The following PDS5A variants were observed in gnomAD, a reference collection of about 807,000 sequenced individuals.
PDS5A encodes the protein sister chromatid cohesion protein PDS5 homolog A.
In PDS5A, 42 loss-of-function variants were observed where a neutral mutation model predicts 167.1. The ratio of observed to expected loss-of-function variants is 0.25; its 90% CI spans 0.20 to 0.33. PDS5A has a LOEUF of 0.33. PDS5A is among the 10% of genes least tolerant of loss of function. The probability of loss-of-function intolerance (pLI) is 1.00; values close to 1 mark genes in which losing one functional copy is unlikely to be tolerated. For missense variants in PDS5A, 1,033 were observed against 1,605.9 expected (o/e 0.64, Z 6.10); for synonymous variants, 553 against 554.6 (o/e 1.00, Z 0.04).
At chr4:39,927,872 G>A (rs959531359) in intron 3 of PDS5A, 89 bp downstream of exon 3, 1 of 890,132 alleles carries the variant, frequency 1.1e-6, no homozygotes, top group Non-Finnish European at 1.7e-6. Context: ...TGAAACCTAT[G>A]TTCATAAAGG....
At chr4:39,961,767 C>T (rs1488787722) in intron 2 of PDS5A, among the ~76,000 whole-genome samples, 2 of 152,158 alleles carry the variant, frequency 1.3e-5, no homozygotes, top group African/African-American at 4.8e-5. Context: ...TAAAAGCCAA[C>T]AGAAATAAAA....
intron 2 of PDS5A, among the ~76,000 whole-genome samples, chr4:39,952,843 C>T (rs1162265282): frequency 6.6e-6 from 1 of 151,878 alleles, no homozygotes; most frequent in African/African-American, 2.4e-5. Flanking sequence ...ACTCTCCTGC[C>T]TCAGCCTCCG....
At chr4:39,836,810 C>T (rs1716454315) in intron 32 of PDS5A, among the ~76,000 whole-genome samples, 1 of 128,838 alleles carries the variant, frequency 7.8e-6, no homozygotes, top group South Asian at 2.5e-4. Context: ...GCTTCAGTAA[C>T]TTTTTTTTTT....
At chr4:39,842,386 A>G (rs1274936085) in intron 30 of PDS5A, among the ~76,000 whole-genome samples, 2 of 152,224 alleles carry the variant, frequency 1.3e-5, no homozygotes, top group Non-Finnish European at 2.9e-5. Context: ...AGAAAATCCT[A>G]AAACAAAAAT....
intron 13 of PDS5A, among the ~76,000 whole-genome samples, chr4:39,900,880 G>A (rs1005522571): frequency 5.9e-5 from 9 of 152,162 alleles, no homozygotes; most frequent in African/African-American, 1.9e-4. Context: ...TGGAGCATAA[G>A]GAAGCTGGAG....
At chr4:39,972,248 G>A (rs148973884) in intron 2 of PDS5A, among the ~76,000 whole-genome samples, 3,408 of 152,234 alleles carry the variant, frequency 0.022, 51 homozygotes, top group Non-Finnish European at 0.034. Context: ...TTGGCTGGGC[G>A]CGGTGGCTCA....
At chr4:39,930,247 GTTTTTTTGTT>G (rs1725918139) in intron 2 of PDS5A, among the ~76,000 whole-genome samples, 4 of 61,950 alleles carry the variant, frequency 6.5e-5, no homozygotes, top group East Asian at 6.2e-4. Context: ...AAAAAAAAAA[GTTTTTTTGTT>G]TTTTGTTTTT....
intron 16 of PDS5A, among the ~76,000 whole-genome samples, chr4:39,894,013 A>G (rs1722187484): frequency 6.6e-6 from 1 of 151,836 alleles, no homozygotes; most frequent in Non-Finnish European, 1.5e-5. Flanking sequence ...TAATTATAAT[A>G]GTAGATTCTC....
chr4:39,902,071 A>G (rs1578703341), intron 13 of PDS5A, among the ~76,000 whole-genome samples: 1 of 152,210 alleles, frequency 6.6e-6, no homozygotes, highest in Non-Finnish European at 1.5e-5. Context: ...AGGATAAAGC[A>G]CCAGTAGTTT....
At chr4:39,873,833 C>T (rs531060918) in intron 20 of PDS5A, among the ~76,000 whole-genome samples, 1 of 151,976 alleles carries the variant, frequency 6.6e-6, no homozygotes, top group Non-Finnish European at 1.5e-5. Context: ...CGCTTCAGTC[C>T]AGGAGTTTGA....
intron 26 of PDS5A, among the ~76,000 whole-genome samples, chr4:39,854,789 T>C (rs1483645477): frequency 5.9e-5 from 9 of 152,170 alleles, no homozygotes; most frequent in African/African-American, 1.9e-4. Flanking sequence ...ACATTGAAAG[T>C]ACTCTATAAA....
chr4:39,906,324 C>T (rs1225965840), intron 11 of PDS5A, among the ~76,000 whole-genome samples: 1 of 151,726 alleles, frequency 6.6e-6, no homozygotes, highest in African/African-American at 2.4e-5. Context: ...GCTGAGATTA[C>T]ACCACTGCAC....
intron 32 of PDS5A, among the ~76,000 whole-genome samples, chr4:39,833,624 C>T (rs968864603): frequency 2.0e-5 from 3 of 152,008 alleles, no homozygotes; most frequent in Non-Finnish European, 2.9e-5. Context: ...TCCTAGGCTC[C>T]AGTCATCTGC....
chr4:39,846,311 C>T (rs577360981), intron 28 of PDS5A: 2 of 152,454 alleles, frequency 1.3e-5, no homozygotes, highest in African/African-American at 4.8e-5. Context: ...ACCCGCCTGG[C>T]CAACATGGTG....
rs755856097 is a variant in PDS5A at position 39,908,553 on chromosome 4, A to G, written c.1088-13T>C. On this transcript the variant is annotated splice_polypyrimidine_tract_variant and intron_variant, in intron 10 of 32. Transcript: ENST00000303538. ...ACCTTTAAATATTCTGTAATAAGAGAAAAAAAACTTAGGCTAAATGTTAGC... is the reference window on the plus strand; with the variant it reads ...ACCTTTAAATATTCTGTAATAAGAGGAAAAAAACTTAGGCTAAATGTTAGC... The G allele has an allele frequency of 5.0e-5, 27 of 540,162 alleles. No individual in the cohort carries two copies. The highest frequency in any genetic ancestry group is 2.2e-4 in the African/African-American group (11 of 49,700). The allele number at this position is 540,162 out of a possible 1,614,324, so 33.5% of individuals were successfully genotyped here.
At chr4:39,870,454 G>A (rs1354407884) in intron 21 of PDS5A, among the ~76,000 whole-genome samples, 1 of 152,132 alleles carries the variant, frequency 6.6e-6, no homozygotes, top group East Asian at 1.9e-4. Flanking sequence ...AGGCATGGTG[G>A]CGTGTGCTGA....
At chr4:39,951,133 C>A (rs1394447166) in intron 2 of PDS5A, among the ~76,000 whole-genome samples, 2 of 152,038 alleles carry the variant, frequency 1.3e-5, no homozygotes, top group Non-Finnish European at 2.9e-5. Context: ...GATCATGTGA[C>A]CCTCATGCCT....
At chr4:39,851,968 G>T (rs1260316017) in intron 26 of PDS5A, among the ~76,000 whole-genome samples, 3 of 152,124 alleles carry the variant, frequency 2.0e-5, no homozygotes, top group African/African-American at 7.2e-5. Context: ...TTAAAAAGTT[G>T]TAACAAAAAA....
intron 2 of PDS5A, among the ~76,000 whole-genome samples, chr4:39,946,280 A>G (rs1391929418): frequency 6.6e-6 from 1 of 151,934 alleles, no homozygotes; most frequent in Admixed American, 6.6e-5. Flanking sequence ...CATATGTGGG[A>G]AAAAGGCAGA....
Sources: gnomAD v4.1 joint callset for allele counts (sites outside exome capture counted in the v4.1 genomes callset) on GRCh38, gnomAD v4.1.1 for gene constraint, MANE v1.5 for transcripts, NCBI Gene and HGNC (gene_info 2026-07-23, HGNC 2026-07-21) for gene names.